TOX2: variants seen among roughly 807,000 people sequenced by gnomAD.
The protein encoded by TOX2 is granulosa cell HMG box 1.
A neutral mutation model predicts 47.4 loss-of-function variants in TOX2; 15 were observed. The ratio of observed to expected loss-of-function variants is 0.32; its 90% CI spans 0.21 to 0.49. The LOEUF (loss-of-function observed/expected upper bound fraction) is 0.49. Ranked by LOEUF, TOX2 falls within the 20% of genes least tolerant of loss-of-function variation. The pLI is 0.99. For missense variants in TOX2, 622 were observed against 673.1 expected (o/e 0.92, Z 0.84); for synonymous variants, 290 against 296.6 (o/e 0.98, Z 0.23).
chr20:44,038,694 A>G (rs1291040062), intron 3 of TOX2, among the ~76,000 whole-genome samples: 3 of 152,014 alleles, frequency 2.0e-5, no homozygotes, highest in Non-Finnish European at 4.4e-5. Context: ...GTGTTGAATG[A>G]CAGCTCATTC....
intron 2 of TOX2, among the ~76,000 whole-genome samples, chr20:43,979,948 T>C (rs2070142645): frequency 6.6e-6 from 1 of 152,206 alleles, no homozygotes; most frequent in Non-Finnish European, 1.5e-5. Flanking sequence ...ATAGTATAAC[T>C]ACTGTGGAGA....
At chr20:43,948,217 T>C (rs746649596) in intron 1 of TOX2, among the ~76,000 whole-genome samples, 75 of 152,312 alleles carry the variant, frequency 4.9e-4, no homozygotes, top group South Asian at 4.1e-3. Context: ...GGCAGGCACC[T>C]GCTGAATATT....
rs113626202 is a variant in TOX2, at chr20:44,066,560, G to A, written c.1357-170G>A. ...TCAGCCCCTGATTCAGCCAAGACAA[G>A]GGTTGAACATTTTGAAAGGTGCTCT... On this transcript the variant is annotated intron_variant, in intron 7 of 8. Coordinates refer to ENST00000341197, the MANE Select transcript of TOX2 (RefSeq NM_001098797.2). Among the ~76,000 whole-genome samples the A allele has an allele frequency of 2.4e-3, 358 of 152,318 alleles. 1 individual carries two copies. The highest frequency in any genetic ancestry group is 7.3e-3 in the African/African-American group (302 of 41,568).
At chr20:44,013,694 T>C (rs1412269919) in intron 3 of TOX2, among the ~76,000 whole-genome samples, 1 of 152,208 alleles carries the variant, frequency 6.6e-6, no homozygotes, top group Admixed American at 6.5e-5. Context: ...CTGGACTGAT[T>C]CAGGTGATTT....
In TOX2 at chr20:43,983,323, C is replaced by T. The variant is rs141241955; in HGVS notation, c.165+9891C>T. ...ATTCTTGCTCTTGGTTCCAGCACCA[C>T]CATCATGTTTGTGCAGCAACCTTCC... is the stretch of plus-strand genomic sequence containing the variant. On this transcript the variant is annotated intron_variant, in intron 2 of 8. Transcript: ENST00000341197. Among the ~76,000 whole-genome samples, 14 of 152,280 alleles carry T rather than the reference C, an allele frequency of 9.2e-5. No homozygotes were observed. The East Asian group carries it at 1.5e-3, about 17-fold the overall frequency.
At chr20:43,983,190 C>T (rs1304132366) in intron 2 of TOX2, among the ~76,000 whole-genome samples, 3 of 152,030 alleles carry the variant, frequency 2.0e-5, no homozygotes, top group South Asian at 2.1e-4. Context: ...TGCTGGAGTA[C>T]AGCCATCATG....
intron 1 of TOX2, among the ~76,000 whole-genome samples, chr20:43,947,970 C>T (rs939492470): frequency 1.3e-5 from 2 of 152,200 alleles, no homozygotes; most frequent in Non-Finnish European, 2.9e-5. Context: ...GGTTTAAGAC[C>T]TTGTTTTAAG....
At chr20:43,988,827 C>T (rs1355995782) in intron 2 of TOX2, among the ~76,000 whole-genome samples, 3 of 152,166 alleles carry the variant, frequency 2.0e-5, no homozygotes, top group African/African-American at 4.8e-5. Context: ...TCAAATGTGT[C>T]CAGACTCAGA....
rs780580996 is a variant in TOX2 at position 44,054,292 on chromosome 20, C to T, written c.652-7C>T. The T allele has an allele frequency of 1.4e-5, 23 of 1,601,106 alleles. No homozygotes were observed. The highest frequency in any genetic ancestry group is 3.3e-4 in the Middle Eastern group (2 of 6,046). Reference sequence around the variant, plus strand: ...CTTTGGTTTTCTGACTCTTCTCACTCGGGCAGATCTCGGGAGAAAAGAGAC... The same window carrying T: ...CTTTGGTTTTCTGACTCTTCTCACTTGGGCAGATCTCGGGAGAAAAGAGAC... On this transcript the variant is annotated splice_region_variant and splice_polypyrimidine_tract_variant and intron_variant, in intron 4 of 8. Coordinates refer to ENST00000341197, the MANE Select transcript of TOX2 (RefSeq NM_001098797.2).
intron 3 of TOX2, among the ~76,000 whole-genome samples, chr20:44,049,913 G>A (rs528255906): frequency 2.0e-5 from 3 of 152,108 alleles, no homozygotes; most frequent in Non-Finnish European, 4.4e-5. Context: ...GGCTGATTCC[G>A]TGTCTTTGCT....
chr20:44,058,612 A>AAAT (rs1174152471), intron 5 of TOX2, among the ~76,000 whole-genome samples: 1 of 152,226 alleles, frequency 6.6e-6, no homozygotes, highest in Non-Finnish European at 1.5e-5. Flanking sequence ...GTGCACTTAA[A>AAAT]AATACAACCA....
intron 3 of TOX2, chr20:44,038,907 C>T (rs930975238): frequency 2.8e-4 from 328 of 1,156,954 alleles, no homozygotes; most frequent in Non-Finnish European, 3.4e-4. Context: ...TTAAGCTCTG[C>T]GATCCTAATT....
chr20:44,020,971 C>A (rs955148280), intron 3 of TOX2, among the ~76,000 whole-genome samples: 2 of 152,168 alleles, frequency 1.3e-5, no homozygotes, highest in Non-Finnish European at 2.9e-5. Flanking sequence ...TTGGGACAGG[C>A]CTTGAAGCGG....
chr20:43,920,064 T>G (rs959751902), intron 1 of TOX2, among the ~76,000 whole-genome samples: 2 of 152,166 alleles, frequency 1.3e-5, no homozygotes, highest in African/African-American at 4.8e-5. Context: ...GCTACCCAGG[T>G]GTTGTTACTG....
At chr20:44,052,756 G>A (rs943496485) in intron 4 of TOX2, among the ~76,000 whole-genome samples, 2 of 152,196 alleles carry the variant, frequency 1.3e-5, no homozygotes, top group African/African-American at 4.8e-5. Context: ...AATGTATCTG[G>A]TGTCACACAG....
chr20:44,068,920 T>C lies in TOX2; in HGVS notation c.*234T>C, dbSNP rs570950334. The C allele has an allele frequency of 1.2e-4, 81 of 683,040 alleles. 1 individual carries two copies. In the Middle Eastern group the frequency reaches 2.4e-3, roughly 20 times the overall value. 42.3% of individuals were successfully genotyped at this position (683,040 alleles called of 1,614,324 possible). On this transcript the variant is annotated 3_prime_UTR_variant, in exon 9 of 9. Coordinates refer to ENST00000341197, the MANE Select transcript of TOX2 (RefSeq NM_001098797.2). Reference sequence around the variant, plus strand: ...TGCAGGAACCTTCCGCCCGCTGACCTGCTTGCTCCAGGGTAACTGTGGACC... The same window carrying C: ...TGCAGGAACCTTCCGCCCGCTGACCCGCTTGCTCCAGGGTAACTGTGGACC...
chr20:44,048,970 C>T (rs898836057), intron 3 of TOX2, among the ~76,000 whole-genome samples: 1 of 152,158 alleles, frequency 6.6e-6, no homozygotes, highest in Non-Finnish European at 1.5e-5. Context: ...AACCCCGTCT[C>T]GCTCTACTAA....
intron 1 of TOX2, among the ~76,000 whole-genome samples, chr20:43,945,458 G>A (rs183927634): frequency 2.0e-5 from 3 of 152,358 alleles, no homozygotes; most frequent in African/African-American, 7.2e-5. Context: ...ATGCATCCAT[G>A]CACTGAGTAC....
At chr20:43,949,076 A>G (rs954718482) in intron 1 of TOX2, among the ~76,000 whole-genome samples, 2 of 152,144 alleles carry the variant, frequency 1.3e-5, no homozygotes, top group Admixed American at 6.5e-5. Context: ...CTAGAAGGAA[A>G]CAGTTACTCT....
Sources: allele counts gnomAD v4.1 joint callset (sites outside exome capture counted in the v4.1 genomes callset), GRCh38; gene constraint gnomAD v4.1.1; transcripts MANE v1.5; gene names NCBI Gene and HGNC (gene_info 2026-07-23, HGNC 2026-07-21).